LRRC4C: variants seen among roughly 807,000 people sequenced by gnomAD.
LRRC4C encodes the protein leucine-rich repeat-containing protein 4C.
LRRC4C carries 5 observed loss-of-function variants against 33.6 expected under a neutral mutation model. The ratio of observed to expected loss-of-function variants is 0.15; its 90% CI spans 0.08 to 0.31. The LOEUF is 0.31. LRRC4C is among the 10% of genes least tolerant of loss of function. The pLI is 1.00. For synonymous variants in LRRC4C, 329 were observed against 302.0 expected, an observed-to-expected ratio of 1.09 and a Z score of -0.93; for missense variants, 560 against 796.7, an observed-to-expected ratio of 0.70 and a Z score of 3.58.
chr11:40,948,744 C>A (rs1162344452), intron 1 of LRRC4C, among the ~76,000 whole-genome samples: 2 of 148,508 alleles, frequency 1.3e-5, no homozygotes, highest in Non-Finnish European at 3.0e-5. Context: ...ATATGTGCCA[C>A]ATTTTCTTAA....
At chr11:41,081,595 G>C (rs1232638698) in intron 1 of LRRC4C, among the ~76,000 whole-genome samples, 8 of 152,144 alleles carry the variant, frequency 5.3e-5, no homozygotes, top group Admixed American at 2.0e-4. Flanking sequence ...CCTATTGCAG[G>C]GAGACCTTAT....
At chr11:40,470,557 G>A (rs1952882140) in intron 3 of LRRC4C, among the ~76,000 whole-genome samples, 2 of 152,190 alleles carry the variant, frequency 1.3e-5, no homozygotes, top group Admixed American at 1.3e-4. Flanking sequence ...ACAGAAGTAG[G>A]CTTCAGAAGG....
chr11:40,161,701 G>A (rs1236308072), intron 5 of LRRC4C, among the ~76,000 whole-genome samples: 5 of 152,088 alleles, frequency 3.3e-5, no homozygotes, highest in Non-Finnish European at 7.4e-5. Context: ...GTTGCACAGT[G>A]AGCCGAGATC....
chr11:40,517,586 A>G (rs1194088567), intron 3 of LRRC4C, among the ~76,000 whole-genome samples: 1 of 152,076 alleles, frequency 6.6e-6, no homozygotes, highest in African/African-American at 2.4e-5. Flanking sequence ...GTGAGAACCC[A>G]CCCATCTCTA....
intron 1 of LRRC4C, among the ~76,000 whole-genome samples, chr11:41,374,374 A>C (rs1056205175): frequency 6.6e-6 from 1 of 151,740 alleles, no homozygotes; most frequent in Non-Finnish European, 1.5e-5. Context: ...GAGAAAAATT[A>C]AAAAAAAACT....
chr11:40,453,464 T>C lies in LRRC4C; in HGVS notation c.-269-133743A>G, dbSNP rs1391932045. On this transcript the variant is annotated intron_variant, in intron 3 of 6. Coordinates refer to ENST00000528697, the MANE Select transcript of LRRC4C (RefSeq NM_001258419.2). ...TACAGCTGGTGAATTCTATCAGATA[T>C]TGAAAGAAATAATTAATACCAATTC... 4.6e-5 allele frequency among the ~76,000 whole-genome samples: 7 copies of C among 152,118 alleles called. 1 individual carries two copies. The highest frequency in any genetic ancestry group is 1.4e-4 in the African/African-American group (6 of 41,456).
At chr11:41,166,948 A>T (rs974056786) in intron 1 of LRRC4C, among the ~76,000 whole-genome samples, 1 of 152,190 alleles carries the variant, frequency 6.6e-6, no homozygotes, top group Admixed American at 6.5e-5. Context: ...AAGCTTAGAA[A>T]GGCTAAATGC....
rs573161431 is a variant in LRRC4C at position 40,930,294 on chromosome 11, C to T, written c.-407+3341G>A. ...CTGGAGAGTAGAGACGCTGATTTCA[C>T]TTTTTCTTTCTTATTATCCGCTGCT... On this transcript the variant is annotated intron_variant, in intron 2 of 6. Coordinates refer to ENST00000528697, the MANE Select transcript of LRRC4C (RefSeq NM_001258419.2). Among the ~76,000 whole-genome samples, 15 of 152,272 alleles carry T rather than the reference C, an allele frequency of 9.9e-5. No homozygotes were observed. The South Asian group carries it at 3.1e-3, about 32-fold the overall frequency.
intron 1 of LRRC4C, among the ~76,000 whole-genome samples, chr11:41,028,256 A>G (rs1334697517): frequency 6.6e-6 from 1 of 151,640 alleles, no homozygotes; most frequent in Admixed American, 6.6e-5. Flanking sequence ...ATAAGCAAAT[A>G]TCAATCTAAG....
chr11:41,082,932 C>T (rs1159026697), intron 1 of LRRC4C, among the ~76,000 whole-genome samples: 1 of 151,980 alleles, frequency 6.6e-6, no homozygotes, highest in Non-Finnish European at 1.5e-5. Context: ...AATCCTTTTT[C>T]ACCAATGAGT....
chr11:40,615,625 A>G (rs2135917697), intron 3 of LRRC4C, among the ~76,000 whole-genome samples: 1 of 151,806 alleles, frequency 6.6e-6, no homozygotes, highest in South Asian at 2.1e-4. Flanking sequence ...TAAATGTACT[A>G]AGTTAGAAAG....
chr11:40,747,335 T>C (rs1378295514), intron 2 of LRRC4C, among the ~76,000 whole-genome samples: 1 of 152,172 alleles, frequency 6.6e-6, no homozygotes, highest in East Asian at 1.9e-4. Flanking sequence ...GGCTACACTA[T>C]GGCAGATACC....
intron 3 of LRRC4C, among the ~76,000 whole-genome samples, chr11:40,466,742 G>T (rs1238793920): frequency 3.3e-5 from 5 of 151,718 alleles, no homozygotes; most frequent in Non-Finnish European, 5.9e-5. Context: ...ATTTATTATT[G>T]AAATAAAATA....
intron 2 of LRRC4C, among the ~76,000 whole-genome samples, chr11:40,787,281 A>G (rs1324883834): frequency 3.3e-5 from 5 of 152,072 alleles, no homozygotes; most frequent in African/African-American, 1.2e-4. Context: ...AGGGGGAGGA[A>G]CAGAGGGAAC....
At chr11:40,813,142 C>T (rs1372089447) in intron 2 of LRRC4C, among the ~76,000 whole-genome samples, 1 of 152,136 alleles carries the variant, frequency 6.6e-6, no homozygotes, top group Non-Finnish European at 1.5e-5. Flanking sequence ...CAGGTTACCC[C>T]AGCAAATTTT....
intron 1 of LRRC4C, among the ~76,000 whole-genome samples, chr11:41,300,178 T>C (rs1206950737): frequency 6.6e-6 from 1 of 152,178 alleles, no homozygotes; most frequent in African/African-American, 2.4e-5. Context: ...GGGGAAATTA[T>C]TTACTAACAC....
chr11:40,114,817 A>G lies in LRRC4C; in HGVS notation c.1476T>C (p.Ser492=). Residue 492 remains serine (S), a synonymous_variant, in exon 7 of 7, where the codon TCT becomes TCC. Transcript: ENST00000528697. The stretch of plus-strand genomic sequence containing the variant: ...TCGACCTTGTGCTCTGTGGTGTGAG[A>G]GAGGTGGTCACATTGGTGGTCTCCC... ...VDWETTNVTT[S]LTPQSTRSTE... is the part of the protein sequence containing the mutation. 1 of 1,614,010 alleles carries G rather than the reference A, an allele frequency of 6.2e-7. No homozygotes were observed. Among genetic ancestry groups the G allele is most frequent in the Non-Finnish European group, 8.5e-7 (1 of 1,179,990 alleles).
intron 1 of LRRC4C, among the ~76,000 whole-genome samples, chr11:41,069,549 GA>G (rs1938523944): frequency 6.6e-6 from 1 of 152,130 alleles, no homozygotes; most frequent in South Asian, 2.1e-4. Flanking sequence ...CTCTTCAACT[GA>G]TAAGCAACTT....
chr11:41,321,273 G>C (rs541903023), intron 1 of LRRC4C, among the ~76,000 whole-genome samples: 1 of 152,016 alleles, frequency 6.6e-6, no homozygotes, highest in East Asian at 1.9e-4. Flanking sequence ...AGAAATTTTT[G>C]GGGGGTCATC....
Sources: gnomAD v4.1 joint callset for allele counts (sites outside exome capture counted in the v4.1 genomes callset) on GRCh38, gnomAD v4.1.1 for gene constraint, MANE v1.5 for transcripts, NCBI Gene and HGNC (gene_info 2026-07-23, HGNC 2026-07-21) for gene names.